Variants in GABRG1 observed in about 807,000 individuals in gnomAD.
GABRG1 encodes the protein gamma-aminobutyric acid type A receptor subunit gamma1.
In GABRG1, 49 loss-of-function variants were observed where a neutral mutation model predicts 49.8. That is an observed-to-expected ratio of 0.98 (90% confidence interval 0.78 to 1.25). The LOEUF (loss-of-function observed/expected upper bound fraction) is 1.25. Ranked by LOEUF, GABRG1 falls within the 50% of genes most tolerant of loss-of-function variation. The probability of loss-of-function intolerance (pLI) is 0.00; values close to 1 mark genes in which losing one functional copy is unlikely to be tolerated. For missense variants in GABRG1, 552 were observed against 552.3 expected (o/e 1.00, Z 0.01); for synonymous variants, 232 against 185.1 (o/e 1.25, Z -2.06).
chr4:46,056,142 T>C (rs1025139079), intron 7 of GABRG1, among the ~76,000 whole-genome samples: 1 of 5,742 alleles, frequency 1.7e-4, no homozygotes. Flanking sequence ...AAAAAATAAA[T>C]AAATAAATTA....
intron 1 of GABRG1, among the ~76,000 whole-genome samples, chr4:46,122,950 G>A (rs561359037): frequency 3.3e-5 from 5 of 151,916 alleles, no homozygotes; most frequent in South Asian, 2.1e-4. Flanking sequence ...ACGTATAATC[G>A]AAGAATGATA....
intron 3 of GABRG1, among the ~76,000 whole-genome samples, chr4:46,074,811 A>G (rs1577648930): frequency 6.6e-6 from 1 of 152,130 alleles, no homozygotes; most frequent in Non-Finnish European, 1.5e-5. Flanking sequence ...AATACTTTCC[A>G]GATAATCAAT....
At chr4:46,084,126 G>T (rs1719669063) in intron 2 of GABRG1, 73 bp from the exon 3 acceptor site, 5 of 838,432 alleles carry the variant, frequency 6.0e-6, no homozygotes, top group Admixed American at 5.1e-5. Context: ...TAGTTTTAAA[G>T]AAATCTTAAT....
chr4:46,091,428 C>T (rs892197790), intron 2 of GABRG1, among the ~76,000 whole-genome samples: 2 of 151,854 alleles, frequency 1.3e-5, no homozygotes, highest in Non-Finnish European at 2.9e-5. Context: ...TAACCTTAAA[C>T]AGAGAGAAAC....
At chr4:46,052,191 A>T (rs1349146174) in intron 7 of GABRG1, among the ~76,000 whole-genome samples, 1 of 151,556 alleles carries the variant, frequency 6.6e-6, no homozygotes, top group Non-Finnish European at 1.5e-5. Flanking sequence ...AAGGAGACTG[A>T]GTCTCTCATA....
intron 1 of GABRG1, among the ~76,000 whole-genome samples, chr4:46,120,211 C>CTT (rs1042482264): frequency 2.0e-5 from 3 of 151,692 alleles, no homozygotes; most frequent in African/African-American, 7.2e-5. Context: ...CTCATTCTTC[C>CTT]TTTTCTTTCA....
In GABRG1 at chr4:46,041,121, C is replaced by G. The variant is rs137932214; in HGVS notation, c.1265G>C (p.Cys422Ser). The G allele has an allele frequency of 9.9e-6, 16 of 1,613,228 alleles. No individual in the cohort carries two copies. In the Admixed American group the frequency reaches 2.0e-4, roughly 20 times the overall value. Residue 422 changes from cysteine to serine, a missense_variant, in exon 9 of 9, where the codon TGC becomes TCC. Transcript: ENST00000295452. ...TCCTTCCCTCCAAGATCCTGTTCTGCAGTCTTCAAAGCAACAGAAGAAGCT... is the reference window on the plus strand; with the variant it reads ...TCCTTCCCTCCAAGATCCTGTTCTGGAGTCTTCAAAGCAACAGAAGAAGCT... ...CASFFCCFED[C>S]RTGSWREGRI...
At chr4:46,099,460 G>A (rs2109432745) in intron 1 of GABRG1, among the ~76,000 whole-genome samples, 1 of 151,844 alleles carries the variant, frequency 6.6e-6, no homozygotes, top group South Asian at 2.1e-4. Context: ...AACATTTAGG[G>A]TTGGAAGCCA....
At chr4:46,079,986 A>T (rs1457085261) in intron 3 of GABRG1, among the ~76,000 whole-genome samples, 2 of 151,928 alleles carry the variant, frequency 1.3e-5, no homozygotes, top group Non-Finnish European at 2.9e-5. Flanking sequence ...CCATATATAA[A>T]ATTGAACAGC....
intron 2 of GABRG1, among the ~76,000 whole-genome samples, chr4:46,096,258 A>T (rs1199526262): frequency 6.6e-6 from 1 of 151,778 alleles, no homozygotes; most frequent in African/African-American, 2.4e-5. Flanking sequence ...ATAGAAAAAT[A>T]TCATTAATTG....
chr4:46,121,550 T>C (rs550140693), intron 1 of GABRG1, among the ~76,000 whole-genome samples: 8 of 152,154 alleles, frequency 5.3e-5, no homozygotes, highest in African/African-American at 1.9e-4. Context: ...AAACATGTTC[T>C]AATAACATTC....
chr4:46,050,697 A>C (rs1481330982), intron 8 of GABRG1, among the ~76,000 whole-genome samples: 1 of 151,848 alleles, frequency 6.6e-6, no homozygotes, highest in Non-Finnish European at 1.5e-5. Flanking sequence ...TCCAGGTCTG[A>C]GTCTTGGATC....
intron 1 of GABRG1, among the ~76,000 whole-genome samples, chr4:46,109,780 A>T (rs1255223289): frequency 6.6e-6 from 1 of 151,112 alleles, no homozygotes; most frequent in African/African-American, 2.4e-5. Flanking sequence ...CCCAAAAGGC[A>T]TTCTGGGGCA....
At chr4:46,057,635 T>TATG (rs1718503569) in intron 7 of GABRG1, among the ~76,000 whole-genome samples, 3 of 152,112 alleles carry the variant, frequency 2.0e-5, no homozygotes, top group Non-Finnish European at 4.4e-5. Flanking sequence ...ATTACCCTGT[T>TATG]AATCAATGTT....
chr4:46,098,255 T>TA (rs1041991752), intron 1 of GABRG1, among the ~76,000 whole-genome samples: 24 of 151,712 alleles, frequency 1.6e-4, no homozygotes, highest in African/African-American at 4.8e-4. Flanking sequence ...TCATCAAAGG[T>TA]AATAAATTAC....
intron 7 of GABRG1, among the ~76,000 whole-genome samples, chr4:46,051,862 A>G (rs1718237173): frequency 6.6e-6 from 1 of 151,758 alleles, no homozygotes; most frequent in South Asian, 2.1e-4. Context: ...GTGCAAGTTG[A>G]CTCCTGATAT....
intron 1 of GABRG1, among the ~76,000 whole-genome samples, chr4:46,105,977 A>G (rs1484402494): frequency 6.6e-6 from 1 of 151,444 alleles, no homozygotes; most frequent in Admixed American, 6.6e-5. Context: ...AGGTTCCAGT[A>G]GCTCTTTACT....
intron 1 of GABRG1, 87 bp downstream of exon 1, chr4:46,123,723 T>C (rs1721167082): frequency 2.2e-6 from 2 of 892,626 alleles, no homozygotes; most frequent in African/African-American, 1.7e-5. Context: ...ATTAATTACT[T>C]AAAGTGGAAT....
intron 3 of GABRG1, among the ~76,000 whole-genome samples, chr4:46,080,651 C>T (rs1023588399): frequency 1.5e-4 from 23 of 150,070 alleles, no homozygotes; most frequent in African/African-American, 5.7e-4. Flanking sequence ...TCTGTGATAG[C>T]CATTCTTGTC....
Sources: gnomAD v4.1 joint callset for allele counts (sites outside exome capture counted in the v4.1 genomes callset) on GRCh38, gnomAD v4.1.1 for gene constraint, MANE v1.5 for transcripts, NCBI Gene and HGNC (gene_info 2026-07-23, HGNC 2026-07-21) for gene names.